The following COL14A1 variants were observed in gnomAD, a reference collection of about 807,000 sequenced individuals.
COL14A1 encodes collagen alpha-1(XIV) chain.
Under a neutral mutation model 230.3 loss-of-function variants are expected in COL14A1, and 136 were observed. The ratio of observed to expected loss-of-function variants is 0.59; its 90% confidence interval spans 0.51 to 0.68. The LOEUF is 0.68. Ranked by LOEUF, COL14A1 falls within the 30% of genes least tolerant of loss-of-function variation. COL14A1 has a pLI of 0.00. For missense variants in COL14A1, 1,976 were observed against 2,215.8 expected (o/e 0.89, Z 2.17); for synonymous variants, 792 against 784.1 (o/e 1.01, Z -0.17).
At chr8:120,177,238 T>C (rs773380395) in intron 5 of COL14A1, among the ~76,000 whole-genome samples, 1 of 151,380 alleles carries the variant, frequency 6.6e-6, no homozygotes, top group Non-Finnish European at 1.5e-5. Context: ...CAAAGGAGAG[T>C]TTGCAATTCA....
chr8:120,160,979 G>A (rs1210473054), intron 3 of COL14A1, among the ~76,000 whole-genome samples: 1 of 152,070 alleles, frequency 6.6e-6, no homozygotes, highest in Admixed American at 6.6e-5. Context: ...AATATACAGG[G>A]TTTGTTTTTT....
At chr8:120,213,204 C>G (rs532273685) in intron 13 of COL14A1, among the ~76,000 whole-genome samples, 4 of 152,140 alleles carry the variant, frequency 2.6e-5, no homozygotes, top group African/African-American at 9.6e-5. Context: ...ATTCCTAGAA[C>G]TTTTTGGGAA....
chr8:120,232,097 G>GT (rs1438662203), intron 19 of COL14A1: 1 of 152,248 alleles, frequency 6.6e-6, no homozygotes, highest in East Asian at 1.9e-4. Context: ...TTAACCAATA[G>GT]TTATATTTTT....
intron 20 of COL14A1, among the ~76,000 whole-genome samples, chr8:120,244,510 T>C (rs1016233577): frequency 3.3e-5 from 5 of 152,204 alleles, no homozygotes; most frequent in South Asian, 2.1e-4. Flanking sequence ...CTGAACCCAA[T>C]TGGTAGTCTC....
At chr8:120,268,604 G>A (rs1261135764) in intron 25 of COL14A1, among the ~76,000 whole-genome samples, 1 of 151,456 alleles carries the variant, frequency 6.6e-6, no homozygotes, top group Non-Finnish European at 1.5e-5. Flanking sequence ...TGTATTTTAG[G>A]CTTTGTTTGT....
intron 36 of COL14A1, among the ~76,000 whole-genome samples, chr8:120,303,354 A>T (rs1820772295): frequency 6.6e-6 from 1 of 152,166 alleles, no homozygotes; most frequent in Admixed American, 6.5e-5. Flanking sequence ...TTGCCCATTC[A>T]GTATGATGTT....
At chr8:120,315,503 A>G (rs774391446) in intron 38 of COL14A1, 30 bp from the exon 39 acceptor site, 1 of 1,588,624 alleles carries the variant, frequency 6.3e-7, no homozygotes, top group Non-Finnish European at 8.6e-7. Flanking sequence ...ACCTATGTGA[A>G]CTTAACTCTG....
intron 45 of COL14A1, among the ~76,000 whole-genome samples, chr8:120,349,600 G>A (rs1273642754): frequency 1.9e-4 from 27 of 141,172 alleles, no homozygotes; most frequent in African/African-American, 5.0e-4. Context: ...CAGAAGCCTC[G>A]GGAGCCGATG....
At position 120,305,376 on chromosome 8, in the gene COL14A1, T is replaced by A. The variant is rs538380603; in HGVS notation, c.4401+4558T>A. Among the ~76,000 whole-genome samples, 3 of 152,334 alleles carry A rather than the reference T, an allele frequency of 2.0e-5. 1 individual carries two copies. Among genetic ancestry groups the A allele is most frequent in the African/African-American group, 7.2e-5 (3 of 41,578 alleles). On this transcript the variant is annotated intron_variant, in intron 36 of 47. Transcript: ENST00000297848. ...CCACCAATATTCTCTCATTAAGGAA[T>A]ATGCCTAGGACATAATTTAAAATAA...
At chr8:120,151,232 A>C (rs1329107765) in intron 2 of COL14A1, among the ~76,000 whole-genome samples, 1 of 152,200 alleles carries the variant, frequency 6.6e-6, no homozygotes, top group African/African-American at 2.4e-5. Flanking sequence ...TGAGCAAGGA[A>C]TAAAAAATAT....
chr8:120,209,885 C>A lies in COL14A1; in HGVS notation c.1451C>A (p.Ala484Asp). 2 of 1,604,830 alleles carry A rather than the reference C, an allele frequency of 1.2e-6. No homozygotes were observed. The highest frequency in any genetic ancestry group is 1.7e-6 in the Non-Finnish European group (2 of 1,176,676). ...TATGCTCCTCTAACAGAGGGCCTGG[C>A]TGGGGATGAAAAAGAGGTAACCACT... ...ILYAPLTEGL[A>D]GDEKEMKIGE... The change falls in exon 12 of 48, where the codon GCT becomes GAT. Residue 484 changes from alanine to aspartate, a missense_variant. Physicochemically the swap from Ala to Asp is moderately radical, Grantham distance 126. Coordinates refer to ENST00000297848, the MANE Select transcript of COL14A1 (RefSeq NM_021110.4).
At chr8:120,312,117 T>C (rs2130095020) in intron 37 of COL14A1, among the ~76,000 whole-genome samples, 1 of 151,934 alleles carries the variant, frequency 6.6e-6, no homozygotes, top group South Asian at 2.1e-4. Flanking sequence ...AAATAATATA[T>C]TATTAAACTA....
chr8:120,179,962 T>C (rs1056418799), intron 5 of COL14A1, among the ~76,000 whole-genome samples: 1 of 152,168 alleles, frequency 6.6e-6, no homozygotes, highest in Non-Finnish European at 1.5e-5. Context: ...GGATTTCCTA[T>C]TTAATGGTGT....
intron 14 of COL14A1, among the ~76,000 whole-genome samples, chr8:120,221,560 G>GCACACACACA (rs142408225): frequency 0.015 from 2,182 of 149,390 alleles, 43 homozygotes; most frequent in African/African-American, 0.046. Flanking sequence ...ACACACACAT[G>GCACACACACA]CACACACACA....
intron 21 of COL14A1, among the ~76,000 whole-genome samples, chr8:120,249,958 T>C (rs1486080480): frequency 6.6e-6 from 1 of 152,208 alleles, no homozygotes; most frequent in Non-Finnish European, 1.5e-5. Flanking sequence ...AGAATGAGCA[T>C]GCATGGGAAG....
intron 31 of COL14A1, among the ~76,000 whole-genome samples, chr8:120,283,328 G>T (rs566987857): frequency 2.6e-5 from 4 of 152,304 alleles, no homozygotes; most frequent in African/African-American, 4.8e-5. Flanking sequence ...AGAAGTGACT[G>T]ATTAGGTAAG....
chr8:120,360,371 A>G (rs987062062), intron 45 of COL14A1, among the ~76,000 whole-genome samples: 12 of 152,158 alleles, frequency 7.9e-5, no homozygotes, highest in Admixed American at 7.2e-4. Context: ...ATCTCTCCAT[A>G]GTCTGGCACA....
intron 40 of COL14A1, among the ~76,000 whole-genome samples, chr8:120,319,284 G>T (rs1349117109): frequency 6.6e-6 from 1 of 152,110 alleles, no homozygotes; most frequent in Non-Finnish European, 1.5e-5. Context: ...AGCCTACCAA[G>T]TAGCTGGGAC....
intron 47 of COL14A1, chr8:120,370,421 C>T: frequency 1.2e-6 from 2 of 1,600,112 alleles, no homozygotes; most frequent in Admixed American, 1.7e-5. Context: ...GCTGTGGATA[C>T]AGAACTGTCC....
Sources: gnomAD v4.1 joint callset for allele counts (sites outside exome capture counted in the v4.1 genomes callset) on GRCh38, gnomAD v4.1.1 for gene constraint, MANE v1.5 for transcripts, NCBI Gene and HGNC (gene_info 2026-07-23, HGNC 2026-07-21) for gene names.